NBPF12: variants seen among roughly 807,000 people sequenced by gnomAD.
The protein encoded by NBPF12 is NBPF family member NBPF12.
NBPF12 carries 115 observed loss-of-function variants against 146.4 expected under a neutral mutation model. The ratio of observed to expected loss-of-function variants is 0.79; its 90% CI spans 0.68 to 0.92. The LOEUF (loss-of-function observed/expected upper bound fraction) is 0.92, where lower values mean the gene tolerates loss of function less well. Among genes scored for constraint, NBPF12 ranks in the 40% least tolerant of loss-of-function variants. NBPF12 has a pLI of 0.00. For synonymous variants in NBPF12, 385 were observed against 508.9 expected (o/e 0.76, Z 3.28); for missense variants, 1,205 against 1,326.8 (o/e 0.91, Z 1.43).
intron 9 of NBPF12, among the ~76,000 whole-genome samples, chr1:146,967,538 C>T (rs1424861234): frequency 1.3e-5 from 2 of 149,586 alleles, no homozygotes; most frequent in Admixed American, 6.7e-5. Context: ...GAATAAAAAG[C>T]AGAGAGTAGC....
chr1:146,940,706 T>C (rs1654761117), intron 1 of NBPF12, among the ~76,000 whole-genome samples: 1 of 152,078 alleles, frequency 6.6e-6, no homozygotes, highest in Non-Finnish European at 1.5e-5. Flanking sequence ...GTATTACATA[T>C]GGCTGAACAT....
chr1:146,957,905 G>C (rs1226705812), intron 2 of NBPF12, among the ~76,000 whole-genome samples: 3 of 103,690 alleles, frequency 2.9e-5, no homozygotes, highest in African/African-American at 1.1e-4. Flanking sequence ...ATATATACAC[G>C]TATGTATATA....
chr1:146,952,354 C>A (rs1251673841), intron 2 of NBPF12, among the ~76,000 whole-genome samples: 1 of 152,096 alleles, frequency 6.6e-6, no homozygotes, highest in Non-Finnish European at 1.5e-5. Context: ...CTCTTCTATT[C>A]TCTTGCATCG....
chr1:146,994,874 A>AT (rs1658448321), exon 34 of NBPF12: 1 of 495,150 alleles, frequency 2.0e-6, no homozygotes, highest in Non-Finnish European at 3.5e-6. Flanking sequence ...CAGGGATTTC[A>AT]TTTTGCAGGC....
intron 4 of NBPF12, 49 bp downstream of exon 7, chr1:146,960,367 C>A (rs1457766387): frequency 2.7e-6 from 4 of 1,463,744 alleles, no homozygotes; most frequent in Non-Finnish European, 3.8e-6. Context: ...GATGTCCTGT[C>A]TTCTCTCTGA....
intron 2 of NBPF12, among the ~76,000 whole-genome samples, chr1:146,954,878 C>T (rs1287570095): frequency 2.6e-5 from 3 of 117,624 alleles, no homozygotes; most frequent in African/African-American, 6.4e-5. Flanking sequence ...TATGTATACA[C>T]ACCCACACAC....
At chr1:146,945,486 T>A (rs1655010677), upstream of NBPF12, among the ~76,000 whole-genome samples, 1 of 151,922 alleles carries the variant, frequency 6.6e-6, no homozygotes, top group African/African-American at 2.4e-5. Context: ...ACCCCAGGGT[T>A]AGAGGTAAAT....
At chr1:146,964,516 C>A in intron 7 of NBPF12, 87 bp downstream of exon 10, 2 of 1,584,538 alleles carry the variant, frequency 1.3e-6, no homozygotes, top group Non-Finnish European at 1.7e-6. Context: ...CTATGGTGGG[C>A]CAAAAGCCCG....
At chr1:146,942,939 T>TTC (rs1654872226) in intron 1 of NBPF12, among the ~76,000 whole-genome samples, 1 of 140,416 alleles carries the variant, frequency 7.1e-6, no homozygotes, top group Non-Finnish European at 1.5e-5. Context: ...CTCTATTTTT[T>TTC]CCCCCCAGGC....
intron 1 of NBPF12, among the ~76,000 whole-genome samples, chr1:146,942,332 G>T (rs1654844889): frequency 6.7e-6 from 1 of 149,270 alleles, no homozygotes; most frequent in East Asian, 2.0e-4. Flanking sequence ...TTTAAAACAG[G>T]TACTAAAATT....
chr1:146,941,346 A>G (rs1654794177), intron 1 of NBPF12, among the ~76,000 whole-genome samples: 2 of 151,816 alleles, frequency 1.3e-5, no homozygotes, highest in Admixed American at 6.6e-5. Flanking sequence ...CGGCCTCCCA[A>G]AGTGTTGGGA....
At chr1:146,992,643 A>T (rs1658277342) in intron 31 of NBPF12, 69 bp from the exon 35 acceptor site, 4 of 773,474 alleles carry the variant, frequency 5.2e-6, no homozygotes, top group Non-Finnish European at 9.5e-6. Context: ...GCTACCCATG[A>T]AACCTAGTTG....
Position 146,954,969 on chromosome 1 carries a change from AATATATATATAT to A in NBPF12, c.-184+3514_-184+3525del, listed in dbSNP as rs1171967177. On this transcript the variant is annotated intron_variant, in intron 2 of 33. Transcript: ENST00000617844. The stretch of plus-strand genomic sequence containing the variant: ...TGAAGATTATCATCTCCAAATAGGG[AATATATATATAT>A]ATATATATATATATATATATATATA... 5.0e-3 allele frequency among the ~76,000 whole-genome samples: 268 copies of A among 53,472 alleles called. 15 individuals are homozygous for A. Among genetic ancestry groups the A allele is most frequent in the Middle Eastern group, 0.012 (1 of 86 alleles). 35.1% of individuals were successfully genotyped at this position (53,472 alleles called of 152,430 possible).
intron 6 of NBPF12, 97 bp downstream of exon 9, chr1:146,963,406 T>G (rs1281279768): frequency 4.4e-6 from 7 of 1,602,824 alleles, no homozygotes; most frequent in Middle Eastern, 2.3e-4. Context: ...CAGTGGGGTT[T>G]TTTTCTACTA....
At position 146,954,900 on chromosome 1, in the gene NBPF12, C is replaced by CAT. The variant is rs1413144552; in HGVS notation, c.-184+3411_-184+3412insAT. ...ACACACCCACACACACACACACAAA[C>CAT]GTGTGTGTGTGTGTGTGTGTGTATA... On this transcript the variant is annotated intron_variant, in intron 2 of 33. Coordinates refer to ENST00000617844, the Ensembl canonical transcript of NBPF12. Among the ~76,000 whole-genome samples, 203 of 110,978 alleles carry CAT rather than the reference C, an allele frequency of 1.8e-3. 7 individuals are homozygous for CAT. In the East Asian group the frequency reaches 0.05, roughly 27 times the overall value. The allele number at this position is 110,978 out of a possible 152,430, so 72.8% of individuals were successfully genotyped here.
rs1167297776 is a variant in NBPF12, at chr1:146,983,035, G to T, written c.2558G>T (p.Ser853Ile). Residue 853 changes from serine (S) to isoleucine (I), a missense_variant, in exon 20 of 34, where the codon AGC becomes ATC. Ser to Ile is a moderately radical substitution (Grantham distance 142). Transcript: ENST00000617844. ...AGGTTGGCCTCATACCAGTCTTACA[G>T]CAGCACATTTCACTCATTAGAGGAA... is the stretch of plus-strand genomic sequence containing the variant. 9.0e-5 allele frequency: 145 copies of T among 1,608,052 alleles called. 1 individual carries two copies. The highest frequency in any genetic ancestry group is 1.2e-4 in the Non-Finnish European group (138 of 1,179,604).
chr1:146,960,279 C>G, exon 4 of NBPF12: 1 of 1,381,834 alleles, frequency 7.2e-7, no homozygotes, highest in Non-Finnish European at 1.0e-6. Context: ...TTTTCTAACT[C>G]AACTGGCCGG....
chr1:146,956,046 G>C (rs1482851214), intron 2 of NBPF12, among the ~76,000 whole-genome samples: 1 of 151,594 alleles, frequency 6.6e-6, no homozygotes, highest in African/African-American at 2.4e-5. Context: ...CAGTTGTTAG[G>C]GAGGCCTGTG....
chr1:146,963,250 A>C, exon 6 of NBPF12: 1 of 1,611,908 alleles, frequency 6.2e-7, no homozygotes, highest in East Asian at 2.2e-5. Context: ...CAGGACCTCC[A>C]AGAACAGCTG....
Sources: allele counts gnomAD v4.1 joint callset (sites outside exome capture counted in the v4.1 genomes callset), GRCh38; gene constraint gnomAD v4.1.1; transcripts MANE v1.5; gene names NCBI Gene and HGNC (gene_info 2026-07-23, HGNC 2026-07-21).